The following STAMBP variants were observed in gnomAD, a reference collection of about 807,000 sequenced individuals.
STAMBP encodes the protein STAM binding protein.
Under a neutral mutation model 50.7 loss-of-function variants are expected in STAMBP, and 31 were observed. That is an observed-to-expected ratio of 0.61 (90% CI 0.46 to 0.83). The LOEUF (loss-of-function observed/expected upper bound fraction) is 0.83. Among genes scored for constraint, STAMBP ranks in the 40% least tolerant of loss-of-function variants. The pLI, the probability that STAMBP is intolerant of heterozygous loss-of-function variation, is 0.00. For missense variants in STAMBP, 472 were observed against 518.9 expected, an observed-to-expected ratio of 0.91 and a Z score of 0.88; for synonymous variants, 211 against 192.4, an observed-to-expected ratio of 1.10 and a Z score of -0.80.
chr2:73,853,446 G>A (rs1397136171), intron 7 of STAMBP, among the ~76,000 whole-genome samples: 4 of 152,196 alleles, frequency 2.6e-5, no homozygotes, highest in East Asian at 1.9e-4. Flanking sequence ...ACTTTAGGCC[G>A]GGTGCGGTGG....
In STAMBP at chr2:73,831,074, G is replaced by A; in HGVS notation, c.203+15G>A. ...AAGTATATCACGTAAGACACCTACA[G>A]TTTCCTTTTTCCTTTCTGGTGACTG... On this transcript the variant is annotated intron_variant, in intron 2 of 9. Transcript: ENST00000394070. 1 of 1,610,922 alleles carries A rather than the reference G, an allele frequency of 6.2e-7. No individual in the cohort carries two copies. The highest frequency in any genetic ancestry group is 1.1e-5 in the South Asian group (1 of 90,988).
chr2:73,857,567 T>C (rs1677717843), intron 7 of STAMBP, among the ~76,000 whole-genome samples: 1 of 152,220 alleles, frequency 6.6e-6, no homozygotes, highest in Non-Finnish European at 1.5e-5. Context: ...CTGAGAAGGT[T>C]GTCTGAGTGA....
chr2:73,835,371 A>G (rs976243190), intron 2 of STAMBP, among the ~76,000 whole-genome samples: 2 of 150,988 alleles, frequency 1.3e-5, no homozygotes, highest in African/African-American at 4.9e-5. Context: ...AAAAAAAAAA[A>G]GAGATGTCAC....
At chr2:73,834,216 AAAAAAAAAAAAAAAAAAAAAATATAT>A (rs1674305577) in intron 2 of STAMBP, among the ~76,000 whole-genome samples, 2 of 14,520 alleles carry the variant, frequency 1.4e-4, no homozygotes, top group African/African-American at 7.6e-4. Context: ...TCTTAAAAAA[AAAAAAAAAAAAAAAAAAAAAATATAT>A]ATATATATAT....
At chr2:73,868,117 T>C (rs1679036736), downstream of STAMBP, among the ~76,000 whole-genome samples, 1 of 137,686 alleles carries the variant, frequency 7.3e-6, no homozygotes, top group South Asian at 2.3e-4. Flanking sequence ...AGAGCAAAAC[T>C]CTGTCTCAAA....
rs528261692 is a variant in STAMBP, at chr2:73,860,408, A to G, written c.1218+257A>G. Reference sequence around the variant, plus strand: ...CAGTTTTCCCATCTATAAAATAGGCATAATAATAACACCTACTTTATAGGG... The same window carrying G: ...CAGTTTTCCCATCTATAAAATAGGCGTAATAATAACACCTACTTTATAGGG... On this transcript the variant is annotated intron_variant, in intron 9 of 9. Coordinates refer to ENST00000394070, the MANE Select transcript of STAMBP (RefSeq NM_213622.4). 16 of 552,682 alleles carry G rather than the reference A, an allele frequency of 2.9e-5. No homozygotes were observed. The South Asian group carries it at 5.7e-4, about 20-fold the overall frequency. 34.2% of individuals were successfully genotyped at this position (552,682 alleles called of 1,614,324 possible).
At chr2:73,868,199 T>C (rs1679042180), downstream of STAMBP, among the ~76,000 whole-genome samples, 1 of 150,800 alleles carries the variant, frequency 6.6e-6, no homozygotes, top group Non-Finnish European at 1.5e-5. Flanking sequence ...ATAAATTGTG[T>C]ACACACACAC....
downstream of STAMBP, among the ~76,000 whole-genome samples, chr2:73,869,198 AT>A (rs1679097975): frequency 6.6e-6 from 1 of 152,224 alleles, no homozygotes; most frequent in African/African-American, 2.4e-5. Context: ...TAAAAGATAC[AT>A]TTTAAAACTT....
At chr2:73,852,577 A>T (rs569813595) in intron 7 of STAMBP, among the ~76,000 whole-genome samples, 1 of 152,288 alleles carries the variant, frequency 6.6e-6, no homozygotes, top group African/African-American at 2.4e-5. Flanking sequence ...GGGACAGGCT[A>T]CCTAATGTAA....
chr2:73,830,765 A>T, intron 1 of STAMBP, 80 bp from the exon 2 acceptor site: 1 of 1,028,770 alleles, frequency 9.7e-7, no homozygotes, highest in East Asian at 2.6e-5. Context: ...TTCTTAAGGT[A>T]GAGGTCTGTG....
At chr2:73,853,615 G>C (rs777458375) in intron 7 of STAMBP, among the ~76,000 whole-genome samples, 1 of 152,132 alleles carries the variant, frequency 6.6e-6, no homozygotes, top group Non-Finnish European at 1.5e-5. Flanking sequence ...CCAGCTACTC[G>C]AGAGGCTGAG....
At chr2:73,872,356 G>A (rs1330298190) in intron 10 of STAMBP, among the ~76,000 whole-genome samples, 2 of 152,208 alleles carry the variant, frequency 1.3e-5, no homozygotes. Context: ...AGAAAAAAGT[G>A]CTGTTAGCTT....
chr2:73,843,308 C>G (rs1049076695), intron 2 of STAMBP, among the ~76,000 whole-genome samples: 3 of 149,242 alleles, frequency 2.0e-5, no homozygotes, highest in Admixed American at 6.7e-5. Context: ...AGAGATCCTC[C>G]TGCCTCAGCC....
At chr2:73,840,269 A>C (rs1675205648) in intron 2 of STAMBP, among the ~76,000 whole-genome samples, 1 of 143,402 alleles carries the variant, frequency 7.0e-6, no homozygotes, top group Admixed American at 6.9e-5. Flanking sequence ...TTGAATGCAC[A>C]TTATTTTTTA....
intron 1 of STAMBP, among the ~76,000 whole-genome samples, chr2:73,830,036 C>G (rs1179874489): frequency 2.6e-5 from 4 of 152,150 alleles, no homozygotes; most frequent in African/African-American, 7.2e-5. Context: ...GTGGTGATAT[C>G]TGGTTGGAAT....
downstream of STAMBP, among the ~76,000 whole-genome samples, chr2:73,867,740 A>G (rs1037563461): frequency 6.6e-6 from 1 of 152,236 alleles, no homozygotes. Flanking sequence ...TTAAGAAGAA[A>G]GAATCAAAAG....
At position 73,834,227 on chromosome 2, in the gene STAMBP, AAAAAAAAAAATATATATATATATATAT is replaced by A. The variant is rs1322472541; in HGVS notation, c.203+3170_203+3196del. On this transcript the variant is annotated intron_variant, in intron 2 of 9. Coordinates refer to ENST00000394070, the MANE Select transcript of STAMBP (RefSeq NM_213622.4). ...CATGTCTTAAAAAAAAAAAAAAAAA[AAAAAAAAAAATATATATATATATATAT>A]ATATATATATATATATATATATATA... Among the ~76,000 whole-genome samples, 17 of 25,296 alleles carry A rather than the reference AAAAAAAAAAATATATATATATATATAT, an allele frequency of 6.7e-4. 1 individual carries two copies. The highest frequency in any genetic ancestry group is 1.9e-3 in the African/African-American group (15 of 7,844). The allele number at this position is 25,296 out of a possible 152,430, so 16.6% of individuals were successfully genotyped here.
rs1678709139 is a variant in STAMBP, at chr2:73,864,715, A to G, written c.*2456A>G. The stretch of plus-strand genomic sequence containing the variant: ...ACCAGGAGACTTTTCCACTCTTGCA[A>G]GCTGCACAAGTACCATACTTAGTGT... On this transcript the variant is annotated 3_prime_UTR_variant, in exon 10 of 10. Transcript: ENST00000394070. 1 of 152,210 alleles carries G rather than the reference A, an allele frequency of 6.6e-6. No individual in the cohort carries two copies. The allele number at this position is 152,210 out of a possible 1,614,324, so 9.4% of individuals were successfully genotyped here. A position where few individuals can be genotyped will look rare whatever the true frequency, so the allele number is the denominator to read the frequency against.
intron 4 of STAMBP, among the ~76,000 whole-genome samples, chr2:73,846,908 C>T (rs545510518): frequency 1.3e-5 from 2 of 151,852 alleles, no homozygotes; most frequent in African/African-American, 2.4e-5. Context: ...ATGGCGAAAC[C>T]CTGTCTCTAC....
Sources: allele counts gnomAD v4.1 joint callset (sites outside exome capture counted in the v4.1 genomes callset), GRCh38; gene constraint gnomAD v4.1.1; transcripts MANE v1.5; gene names NCBI Gene and HGNC (gene_info 2026-07-23, HGNC 2026-07-21).